Variants in TMEM117 observed in about 807,000 individuals in gnomAD.
TMEM117 encodes the protein transmembrane protein 117.
Under a neutral mutation model 52.4 loss-of-function variants are expected in TMEM117, and 27 were observed. The observed-to-expected ratio is 0.51, with a 90% CI of 0.38 to 0.71. The LOEUF (loss-of-function observed/expected upper bound fraction) is 0.71. TMEM117 is among the 30% of genes least tolerant of loss of function. The pLI is 0.00. For synonymous variants in TMEM117, 215 were observed against 206.3 expected (o/e 1.04, Z -0.36); for missense variants, 556 against 630.5 (o/e 0.88, Z 1.26).
At chr12:43,960,299 T>G (rs1592395032) in intron 3 of TMEM117, among the ~76,000 whole-genome samples, 8 of 136,790 alleles carry the variant, frequency 5.8e-5, no homozygotes, top group African/African-American at 1.4e-4. Flanking sequence ...GAGAGGGGGG[T>G]TGAGTAAGGG....
At chr12:44,050,530 C>A (rs1021686743) in intron 3 of TMEM117, among the ~76,000 whole-genome samples, 5 of 152,188 alleles carry the variant, frequency 3.3e-5, no homozygotes, top group African/African-American at 1.2e-4. Flanking sequence ...TGAGCAACTT[C>A]TAGGCACTGA....
At chr12:44,396,848 CAA>C in the TMEM117 span, among the ~76,000 whole-genome samples, 27 of 66,400 alleles carry the variant, frequency 4.1e-4, no homozygotes, top group Admixed American at 5.2e-4. Flanking sequence ...AGTGAGACTC[CAA>C]AAAAAAAAAA....
chr12:44,132,149 T>A (rs112512415), intron 3 of TMEM117, among the ~76,000 whole-genome samples: 3 of 151,680 alleles, frequency 2.0e-5, no homozygotes, highest in African/African-American at 7.2e-5. Context: ...GACCCTCAAT[T>A]GTTAATAAGC....
chr12:44,283,853 T>C (rs1950606367), intron 5 of TMEM117, among the ~76,000 whole-genome samples: 1 of 152,146 alleles, frequency 6.6e-6, no homozygotes, highest in African/African-American at 2.4e-5. Flanking sequence ...GCTCCTAGAA[T>C]TCCCACGTGT....
At chr12:44,115,380 C>T (rs1948122624) in intron 3 of TMEM117, among the ~76,000 whole-genome samples, 1 of 152,110 alleles carries the variant, frequency 6.6e-6, no homozygotes, top group Non-Finnish European at 1.5e-5. Context: ...ATGGGTGCAG[C>T]ACACAAACAT....
At chr12:44,173,586 C>CCTTTTTTTTTTTTTTTTTTTTTTTTTT (rs796747337) in intron 4 of TMEM117, among the ~76,000 whole-genome samples, 50 of 148,048 alleles carry the variant, frequency 3.4e-4, no homozygotes, top group African/African-American at 1.3e-3. Flanking sequence ...TTTTTTTATT[C>CCTTTTTTTTTTTTTTTTTTTTTTTTTT]TTTAGTTGCT....
chr12:44,045,406 G>A (rs1394940713), intron 3 of TMEM117, among the ~76,000 whole-genome samples: 1 of 152,182 alleles, frequency 6.6e-6, no homozygotes, highest in Non-Finnish European at 1.5e-5. Flanking sequence ...CGCTAGAATA[G>A]ACATTTACTC....
chr12:43,877,890 A>ACACAC (rs1943829106), intron 2 of TMEM117, among the ~76,000 whole-genome samples: 1 of 142,998 alleles, frequency 7.0e-6, no homozygotes, highest in Non-Finnish European at 1.5e-5. Flanking sequence ...GTAAAAACAA[A>ACACAC]ACACACACAC....
At chr12:44,001,963 G>A (rs1232461397) in intron 3 of TMEM117, among the ~76,000 whole-genome samples, 6 of 152,124 alleles carry the variant, frequency 3.9e-5, no homozygotes, top group African/African-American at 1.4e-4. Context: ...GTAGAGGAGG[G>A]GCAATCAGAC....
chr12:44,032,386 C>A (rs1033310091), intron 3 of TMEM117, among the ~76,000 whole-genome samples: 16 of 152,140 alleles, frequency 1.1e-4, no homozygotes, highest in Non-Finnish European at 7.3e-5. Context: ...TCAATTTAGG[C>A]TAATGTTACT....
At chr12:44,133,405 T>G (rs1399145023) in intron 3 of TMEM117, among the ~76,000 whole-genome samples, 1 of 152,182 alleles carries the variant, frequency 6.6e-6, no homozygotes, top group Non-Finnish European at 1.5e-5. Flanking sequence ...AAGGAAACTC[T>G]CAGAAAACTT....
chr12:44,266,604 C>G (rs552279900), intron 5 of TMEM117, among the ~76,000 whole-genome samples: 2 of 152,104 alleles, frequency 1.3e-5, no homozygotes, highest in South Asian at 4.1e-4. Context: ...TCCTTTGAAG[C>G]ACATATGTTT....
intron 3 of TMEM117, among the ~76,000 whole-genome samples, chr12:43,955,037 A>G (rs1443329788): frequency 6.6e-6 from 1 of 152,248 alleles, no homozygotes; most frequent in African/African-American, 2.4e-5. Context: ...CAAAAACCAC[A>G]TAATTATCTC....
the TMEM117 span, among the ~76,000 whole-genome samples, chr12:43,816,599 C>T: frequency 6.6e-6 from 1 of 152,312 alleles, no homozygotes; most frequent in South Asian, 2.1e-4. Flanking sequence ...GAGTAGCTGG[C>T]AGAACAGGGA....
the TMEM117 span, among the ~76,000 whole-genome samples, chr12:43,805,006 TATATATCAAATATCC>T: frequency 6.6e-6 from 1 of 152,234 alleles, no homozygotes; most frequent in African/African-American, 2.4e-5. Context: ...AAAACAACAG[TATATATCAAATATCC>T]TAACTTGTTT....
chr12:44,169,537 TAATGG>T (rs1565858402), intron 4 of TMEM117, among the ~76,000 whole-genome samples: 2 of 152,178 alleles, frequency 1.3e-5, no homozygotes, highest in Non-Finnish European at 2.9e-5. Flanking sequence ...TCCCATTTTT[TAATGG>T]ACTTGTTTTC....
At chr12:43,831,147 G>T (rs993618254), upstream of TMEM117, among the ~76,000 whole-genome samples, 1 of 152,184 alleles carries the variant, frequency 6.6e-6, no homozygotes, top group African/African-American at 2.4e-5. Context: ...ATCATAATTT[G>T]TCTGTGTTTG....
At chr12:43,798,942 G>A in the TMEM117 span, among the ~76,000 whole-genome samples, 2 of 151,954 alleles carry the variant, frequency 1.3e-5, no homozygotes, top group Non-Finnish European at 2.9e-5. Context: ...ATGCTCAACA[G>A]GTACTCAAAT....
intron 3 of TMEM117, among the ~76,000 whole-genome samples, chr12:44,063,119 AG>A (rs1947165648): frequency 6.6e-6 from 1 of 152,236 alleles, no homozygotes. Flanking sequence ...GACTGCTCAG[AG>A]ACGTAGAGAC....
Sources: gnomAD v4.1 joint callset for allele counts (sites outside exome capture counted in the v4.1 genomes callset) on GRCh38, gnomAD v4.1.1 for gene constraint, MANE v1.5 for transcripts, NCBI Gene and HGNC (gene_info 2026-07-23, HGNC 2026-07-21) for gene names.